Variants in NT5M observed in about 807,000 individuals in gnomAD.
NT5M encodes 5',3'-nucleotidase, mitochondrial.
NT5M carries 22 observed loss-of-function variants against 22.2 expected under a neutral mutation model. That is an observed-to-expected ratio of 0.99 (90% CI 0.71 to 1.41). The LOEUF (loss-of-function observed/expected upper bound fraction) is 1.41, where lower values mean the gene tolerates loss of function less well. Among genes scored for constraint, NT5M ranks in the 40% most tolerant of loss-of-function variants. The pLI, the probability that NT5M is intolerant of heterozygous loss-of-function variation, is 0.00. For synonymous variants in NT5M, 167 were observed against 133.0 expected (o/e 1.26, Z -1.76); for missense variants, 322 against 314.8 (o/e 1.02, Z -0.17).
intron 2 of NT5M, among the ~76,000 whole-genome samples, chr17:17,314,543 G>A (rs911619326): frequency 2.0e-5 from 3 of 152,134 alleles, no homozygotes; most frequent in Non-Finnish European, 4.4e-5. Flanking sequence ...CAGTCAGAGT[G>A]ATATTTTTTA....
intron 1 of NT5M, among the ~76,000 whole-genome samples, chr17:17,304,148 G>T (rs933238773): frequency 6.6e-6 from 1 of 152,178 alleles, no homozygotes; most frequent in African/African-American, 2.4e-5. Flanking sequence ...AACGTTATAA[G>T]TTGTCCTCTT....
chr17:17,346,259 G>GTTGGGGGCGGGTGTATA (rs1555632287), intron 4 of NT5M, among the ~76,000 whole-genome samples: 4 of 152,088 alleles, frequency 2.6e-5, no homozygotes, highest in Non-Finnish European at 1.5e-5. Flanking sequence ...GCCACAGGTT[G>GTTGGGGGCGGGTGTATA]TTGGGGGCGG....
intron 3 of NT5M, among the ~76,000 whole-genome samples, chr17:17,340,716 G>A (rs984925564): frequency 6.6e-6 from 1 of 151,746 alleles, no homozygotes; most frequent in Non-Finnish European, 1.5e-5. Flanking sequence ...TAGTAGAGAT[G>A]GGGTTTCACC....
intron 2 of NT5M, among the ~76,000 whole-genome samples, chr17:17,308,851 T>C (rs1830152103): frequency 6.6e-6 from 1 of 152,220 alleles, no homozygotes; most frequent in African/African-American, 2.4e-5. Context: ...CATCATATAA[T>C]ATGTGGTCTT....
intron 2 of NT5M, among the ~76,000 whole-genome samples, chr17:17,316,200 G>A (rs770827525): frequency 2.0e-5 from 3 of 151,930 alleles, no homozygotes; most frequent in Non-Finnish European, 4.4e-5. Flanking sequence ...TGGGACTACA[G>A]GTGTTCGCCA....
chr17:17,338,825 C>T (rs952888200), intron 3 of NT5M, among the ~76,000 whole-genome samples: 5 of 148,908 alleles, frequency 3.4e-5, no homozygotes, highest in Non-Finnish European at 5.9e-5. Flanking sequence ...CTCCCAGGTT[C>T]ACACCGTTCT....
intron 2 of NT5M, among the ~76,000 whole-genome samples, chr17:17,307,123 G>A (rs578256526): frequency 5.3e-5 from 8 of 151,718 alleles, no homozygotes; most frequent in African/African-American, 1.5e-4. Context: ...GCTTGAACCC[G>A]GGAGGTGGAG....
chr17:17,344,106 C>T (rs1327363537), intron 3 of NT5M, among the ~76,000 whole-genome samples: 2 of 152,178 alleles, frequency 1.3e-5, no homozygotes, highest in Admixed American at 6.5e-5. Context: ...CCCCGGTCTG[C>T]TCCCTGCCCC....
At chr17:17,345,464 A>T (rs917131634) in intron 4 of NT5M, among the ~76,000 whole-genome samples, 8 of 152,018 alleles carry the variant, frequency 5.3e-5, no homozygotes, top group African/African-American at 1.9e-4. Context: ...GGAGTGTGAA[A>T]CCAGCCTGGC....
intron 3 of NT5M, among the ~76,000 whole-genome samples, chr17:17,329,788 C>T (rs1272663511): frequency 6.6e-6 from 1 of 151,642 alleles, no homozygotes; most frequent in Non-Finnish European, 1.5e-5. Flanking sequence ...CCTGCCTGGG[C>T]AACATGATGA....
At chr17:17,342,723 G>A (rs962200176) in intron 3 of NT5M, among the ~76,000 whole-genome samples, 11 of 152,144 alleles carry the variant, frequency 7.2e-5, no homozygotes, top group African/African-American at 1.7e-4. Flanking sequence ...AGAGCCAGCC[G>A]CCTTGTCAGT....
At position 17,303,749 on chromosome 17, in the gene NT5M, A is replaced by G. The variant is rs553426958; in HGVS notation, c.199A>G (p.Ile67Val). 1.3e-6 allele frequency: 2 copies of G among 1,589,154 alleles called. No individual in the cohort carries two copies. The highest frequency in any genetic ancestry group is 1.4e-5 in the African/African-American group (1 of 72,056). ...FRARFPDQPFIALEDRRGFWV... is the reference protein window; with the variant it reads ...FRARFPDQPFVALEDRRGFWV... ...CGCGCGCTTTCCCGACCAGCCCTTC[A>G]TCGCGCTGGAGGACCGGCGCGGCTT... The change falls in exon 1 of 5, where the codon ATC becomes GTC. Residue 67 changes from isoleucine (I) to valine (V), a missense_variant. Physicochemically the swap from Ile to Val is conservative, Grantham distance 29. Transcript: ENST00000389022.
Position 17,303,658 on chromosome 17 carries a change from A to T in NT5M, c.108A>T (p.Leu36=), listed in dbSNP as rs1316568059. The change falls in exon 1 of 5, where the codon CTA becomes CTT. Residue 36 remains leucine (L), a synonymous_variant. Coordinates refer to ENST00000389022, the MANE Select transcript of NT5M (RefSeq NM_020201.4). ...TGGGCCTGGCGGGAGGCCGCGCCCT[A>T]CGGGTGCTGGTGGACATGGACGGCG... ...GGLGLAGGRA[L]RVLVDMDGVL... 2.9e-5 allele frequency: 45 copies of T among 1,537,208 alleles called. No individual in the cohort carries two copies. The highest frequency in any genetic ancestry group is 3.8e-5 in the Non-Finnish European group (43 of 1,142,062).
intron 1 of NT5M, among the ~76,000 whole-genome samples, chr17:17,305,180 C>T (rs1043482780): frequency 6.6e-6 from 1 of 152,132 alleles, no homozygotes; most frequent in Non-Finnish European, 1.5e-5. Flanking sequence ...CCGAAAAGTG[C>T]AGCAGCTTTT....
chr17:17,340,353 A>G (rs761559282), intron 3 of NT5M, among the ~76,000 whole-genome samples: 1 of 151,528 alleles, frequency 6.6e-6, no homozygotes, highest in Non-Finnish European at 1.5e-5. Context: ...GATTTTATTT[A>G]TTTGGGTCTT....
At position 17,344,892 on chromosome 17, in the gene NT5M, C is replaced by T. The variant is rs1261201474; in HGVS notation, c.528C>T (p.Asp176=). The T allele has an allele frequency of 1.2e-6, 2 of 1,614,178 alleles. No homozygotes were observed. The highest frequency in any genetic ancestry group is 1.7e-6 in the Non-Finnish European group (2 of 1,180,008). ...TVVSADLLID[D]RPDITGAEPT... is the part of the protein sequence containing the mutation. Reference sequence around the variant, plus strand: ...TCTCTGCTGACCTTCTCATAGACGACCGGCCGGACATCACAGGCAAGTGGC... The same window carrying T: ...TCTCTGCTGACCTTCTCATAGACGATCGGCCGGACATCACAGGCAAGTGGC... Residue 176 remains aspartate, a synonymous_variant, in exon 4 of 5, where the codon GAC becomes GAT. Transcript: ENST00000389022.
At chr17:17,313,036 G>C (rs2048952588) in intron 2 of NT5M, among the ~76,000 whole-genome samples, 1 of 152,068 alleles carries the variant, frequency 6.6e-6, no homozygotes, top group African/African-American at 2.4e-5. Context: ...TTGGGAGGCT[G>C]AGGCGGGCGG....
chr17:17,341,240 G>A (rs2049635169), intron 3 of NT5M, among the ~76,000 whole-genome samples: 1 of 152,218 alleles, frequency 6.6e-6, no homozygotes, highest in African/African-American at 2.4e-5. Flanking sequence ...TTATGTAGAT[G>A]ATTTGGGGCT....
chr17:17,347,068 T>A lies in NT5M; in HGVS notation c.*121T>A. 8.0e-7 allele frequency: 1 copy of A among 1,246,330 alleles called. No homozygotes were observed. The highest frequency in any genetic ancestry group is 1.1e-6 in the Non-Finnish European group (1 of 911,604). The allele number at this position is 1,246,330 out of a possible 1,614,324, so 77.2% of individuals were successfully genotyped here. A position where few individuals can be genotyped will look rare whatever the true frequency, so the allele number is the denominator to read the frequency against. On this transcript the variant is annotated 3_prime_UTR_variant, in exon 5 of 5. Coordinates refer to ENST00000389022, the MANE Select transcript of NT5M (RefSeq NM_020201.4). ...TAGACTCCTGGGCCCCATGACCTCC[T>A]GCTGCATGTCCCTTCCCTTCCCCAG...
Sources: allele counts gnomAD v4.1 joint callset (sites outside exome capture counted in the v4.1 genomes callset), GRCh38; gene constraint gnomAD v4.1.1; transcripts MANE v1.5; gene names NCBI Gene and HGNC (gene_info 2026-07-23, HGNC 2026-07-21).